The following FRMPD4 variants were observed in gnomAD, a reference collection of about 807,000 sequenced individuals.
FRMPD4 encodes the protein FERM and PDZ domain containing 4.
Under a neutral mutation model 94.1 loss-of-function variants are expected in FRMPD4, and 22 were observed. The ratio of observed to expected loss-of-function variants is 0.23; its 90% CI spans 0.17 to 0.33. FRMPD4 has a LOEUF of 0.33. Among genes scored for constraint, FRMPD4 ranks in the 10% least tolerant of loss-of-function variants. The probability of loss-of-function intolerance (pLI) is 1.00; values close to 1 mark genes in which losing one functional copy is unlikely to be tolerated. For missense variants in FRMPD4, 1,111 were observed against 1,339.9 expected (o/e 0.83, Z 2.67); for synonymous variants, 631 against 548.6 (o/e 1.15, Z -2.10).
chrX:12,168,118 A>T (rs974531743), intron 1 of FRMPD4, among the ~76,000 whole-genome samples: 1 of 111,211 alleles, frequency 9.0e-6, no homozygotes, highest in African/African-American at 3.3e-5. Context: ...TCTGACTCAA[A>T]AAGTCAGCAC....
chrX:12,104,086 G>A (rs768283875), intron 3 of FRMPD4, among the ~76,000 whole-genome samples: 9 of 112,197 alleles, frequency 8.0e-5, no homozygotes, highest in South Asian at 3.7e-4. Flanking sequence ...GAAAAAATGC[G>A]GGCCAAACTT....
intron 1 of FRMPD4, among the ~76,000 whole-genome samples, chrX:11,857,287 A>G (rs1230326761): frequency 8.9e-6 from 1 of 111,796 alleles, no homozygotes; most frequent in Non-Finnish European, 1.9e-5. Context: ...TGGAAGCATC[A>G]TGCTACCTGA....
chrX:12,544,051 A>C (rs1162152613), intron 2 of FRMPD4, among the ~76,000 whole-genome samples: 4 of 97,310 alleles, frequency 4.1e-5, no homozygotes, highest in Non-Finnish European at 8.2e-5. Context: ...ACACTTGGAC[A>C]CAGGAAGGGG....
At chrX:12,588,725 C>T (rs1316625790) in intron 2 of FRMPD4, among the ~76,000 whole-genome samples, 2 of 112,124 alleles carry the variant, frequency 1.8e-5, no homozygotes, top group Admixed American at 9.4e-5. Context: ...AATGAAATCT[C>T]CCACGCCACA....
chrX:12,074,895 G>A (rs775904455), intron 3 of FRMPD4, among the ~76,000 whole-genome samples: 1 of 112,314 alleles, frequency 8.9e-6, no homozygotes, highest in African/African-American at 3.2e-5. Flanking sequence ...CAAAAGACAA[G>A]TACAGTATTT....
intron 1 of FRMPD4, among the ~76,000 whole-genome samples, chrX:12,289,450 G>A (rs1569219612): frequency 1.8e-5 from 2 of 112,047 alleles, no homozygotes; most frequent in Admixed American, 9.5e-5. Flanking sequence ...TGTTGCACTA[G>A]GGGCATCTCA....
At chrX:12,140,955 C>T (rs1047101639) in intron 1 of FRMPD4, among the ~76,000 whole-genome samples, 2 of 111,541 alleles carry the variant, frequency 1.8e-5, no homozygotes, top group Admixed American at 9.5e-5. Flanking sequence ...GCTGATGTGC[C>T]GATTAAGAAA....
chrX:12,340,526 G>A (rs1341311746), intron 1 of FRMPD4, among the ~76,000 whole-genome samples: 1 of 111,303 alleles, frequency 9.0e-6, no homozygotes, highest in Non-Finnish European at 1.9e-5. Flanking sequence ...AGTTCTGAAG[G>A]ATCTCTGAAA....
chrX:11,847,810 C>T (rs1162023073), intron 1 of FRMPD4, among the ~76,000 whole-genome samples: 3 of 96,660 alleles, frequency 3.1e-5, no homozygotes, highest in Non-Finnish European at 6.1e-5. Context: ...CATGTTCTCA[C>T]TCATAGGTGG....
intron 5 of FRMPD4, among the ~76,000 whole-genome samples, chrX:12,679,083 C>T (rs187776983): frequency 1.3e-3 from 141 of 112,311 alleles, no homozygotes; most frequent in African/African-American, 4.4e-3. Flanking sequence ...TCTATCAGAG[C>T]CCAGACCATA....
At chrX:12,673,582 C>T (rs1393250708) in intron 4 of FRMPD4, among the ~76,000 whole-genome samples, 1 of 111,810 alleles carries the variant, frequency 8.9e-6, no homozygotes, top group Non-Finnish European at 1.9e-5. Context: ...TGTGTATATT[C>T]CCACCAGCAA....
intron 3 of FRMPD4, among the ~76,000 whole-genome samples, chrX:11,914,686 A>G (rs1419672901): frequency 2.7e-5 from 3 of 112,289 alleles, no homozygotes; most frequent in African/African-American, 9.7e-5. Context: ...CTTCTCCTCC[A>G]GAGAAAGAAA....
chrX:12,194,730 G>C (rs1287970582), intron 1 of FRMPD4, among the ~76,000 whole-genome samples: 1 of 111,856 alleles, frequency 8.9e-6, no homozygotes, highest in Non-Finnish European at 1.9e-5. Flanking sequence ...AACAACAAAG[G>C]CATGCTGAAA....
chrX:12,162,716 C>T (rs1228941682), intron 1 of FRMPD4, among the ~76,000 whole-genome samples: 3 of 111,675 alleles, frequency 2.7e-5, no homozygotes, highest in African/African-American at 9.7e-5. Flanking sequence ...CAAGGAAGAA[C>T]ATCTGGGAAG....
intron 1 of FRMPD4, among the ~76,000 whole-genome samples, chrX:12,361,700 T>C (rs1401540898): frequency 6.2e-5 from 7 of 112,229 alleles, no homozygotes; most frequent in Non-Finnish European, 1.1e-4. Flanking sequence ...TTTCAGAGTA[T>C]ATTAGGGCTT....
At chrX:12,560,871 G>A (rs1484047665) in intron 2 of FRMPD4, among the ~76,000 whole-genome samples, 1 of 88,894 alleles carries the variant, frequency 1.1e-5, no homozygotes, top group African/African-American at 4.2e-5. Context: ...CCGGGTTCAC[G>A]CCATTCTCCT....
intron 4 of FRMPD4, among the ~76,000 whole-genome samples, chrX:12,631,708 T>C (rs952979777): frequency 2.7e-5 from 3 of 112,028 alleles, no homozygotes; most frequent in Non-Finnish European, 5.6e-5. Flanking sequence ...CTTTTCCATA[T>C]GCATTGATTT....
chrX:12,297,147 A>G (rs1299465107), intron 1 of FRMPD4, among the ~76,000 whole-genome samples: 1 of 112,841 alleles, frequency 8.9e-6, no homozygotes, highest in Non-Finnish European at 1.9e-5. Context: ...GATAAAGGAT[A>G]GCGCTACACA....
chrX:12,417,049 G>A (rs976992753), intron 1 of FRMPD4, among the ~76,000 whole-genome samples: 7 of 111,006 alleles, frequency 6.3e-5, no homozygotes, highest in East Asian at 2.8e-4. Flanking sequence ...GACCTCTTCC[G>A]GGAGGGCGTG....
Sources: gnomAD v4.1 joint callset for allele counts (sites outside exome capture counted in the v4.1 genomes callset) on GRCh38, gnomAD v4.1.1 for gene constraint, MANE v1.5 for transcripts, NCBI Gene and HGNC (gene_info 2026-07-23, HGNC 2026-07-21) for gene names.